CTNNA2: variants seen among roughly 807,000 people sequenced by gnomAD.
The protein encoded by CTNNA2 is catenin alpha-2.
In CTNNA2, 42 loss-of-function variants were observed where a neutral mutation model predicts 101.0. That is an observed-to-expected ratio of 0.42 (90% CI 0.32 to 0.54). The LOEUF (loss-of-function observed/expected upper bound fraction) is 0.54. Ranked by LOEUF, CTNNA2 falls within the 20% of genes least tolerant of loss-of-function variation. The probability of loss-of-function intolerance (pLI) is 0.14; values close to 1 mark genes in which losing one functional copy is unlikely to be tolerated. For synonymous variants in CTNNA2, 450 were observed against 456.4 expected, an observed-to-expected ratio of 0.99 and a Z score of 0.18; for missense variants, 871 against 1,223.1, an observed-to-expected ratio of 0.71 and a Z score of 4.29.
At chr2:79,568,044 T>C (rs2104184281) in intron 1 of CTNNA2, among the ~76,000 whole-genome samples, 1 of 152,242 alleles carries the variant, frequency 6.6e-6, no homozygotes, top group Middle Eastern at 3.4e-3. Context: ...CTTATTACAG[T>C]ATTTCACCAT....
At chr2:80,274,542 A>G (rs1275944041) in intron 7 of CTNNA2, among the ~76,000 whole-genome samples, 2 of 152,020 alleles carry the variant, frequency 1.3e-5, no homozygotes, top group Non-Finnish European at 2.9e-5. Context: ...CAATTCGAAG[A>G]CCCTTATAAC....
chr2:80,419,608 G>A lies in CTNNA2; in HGVS notation c.1290+7G>A, dbSNP rs759756554. 9 of 1,613,518 alleles carry A rather than the reference G, an allele frequency of 5.6e-6. No individual in the cohort carries two copies. In the East Asian group the frequency reaches 1.3e-4, roughly 24 times the overall value. ...TGCCAACAAACTGGTAGAGGTAAGT[G>A]TGGAGGGGCCTGAAGACTAGAGTTT... is the stretch of plus-strand genomic sequence containing the variant. On this transcript the variant is annotated splice_region_variant and intron_variant, in intron 9 of 18. Transcript: ENST00000402739.
intron 3 of CTNNA2, among the ~76,000 whole-genome samples, chr2:79,338,863 T>G (rs963007494): frequency 3.9e-5 from 6 of 152,062 alleles, no homozygotes; most frequent in African/African-American, 1.4e-4. Flanking sequence ...GAAAGATGAT[T>G]CCATAATCTC....
At chr2:79,225,632 C>G (rs901853545) in intron 2 of CTNNA2, among the ~76,000 whole-genome samples, 2 of 152,066 alleles carry the variant, frequency 1.3e-5, no homozygotes, top group African/African-American at 4.8e-5. Flanking sequence ...TTGATCATTA[C>G]CAAAAGTCAA....
chr2:80,136,249 T>C (rs956330707), intron 7 of CTNNA2, among the ~76,000 whole-genome samples: 1 of 152,198 alleles, frequency 6.6e-6, no homozygotes, highest in African/African-American at 2.4e-5. Flanking sequence ...TGTATCATTG[T>C]CCAGGATCTG....
At chr2:80,290,390 T>A (rs578146125) in intron 7 of CTNNA2, among the ~76,000 whole-genome samples, 81 of 152,166 alleles carry the variant, frequency 5.3e-4, no homozygotes, top group Non-Finnish European at 9.6e-4. Context: ...CCTTCTCATT[T>A]CTTCCCCAGT....
chr2:80,110,038 A>G (rs10172593), intron 7 of CTNNA2, among the ~76,000 whole-genome samples: 1,796 of 152,268 alleles, frequency 0.012, 31 homozygotes, highest in African/African-American at 0.041. Flanking sequence ...CAGTGTTGTC[A>G]CTGAAAATTT....
rs146927160 is a variant in CTNNA2 at position 80,144,096 on chromosome 2, G to A, written c.1056+234299G>A. On this transcript the variant is annotated intron_variant, in intron 7 of 18. Coordinates refer to ENST00000402739, the MANE Select transcript of CTNNA2 (RefSeq NM_001282597.3). The stretch of plus-strand genomic sequence containing the variant: ...GTTAGGTTTTTGTCACTTTTGCCCC[G>A]TGCAATCTTTTAGCTCTAACACAAG... Among the ~76,000 whole-genome samples, 322 of 152,154 alleles carry A rather than the reference G, an allele frequency of 2.1e-3. 1 individual carries two copies. Among genetic ancestry groups the A allele is most frequent in the African/African-American group, 6.7e-3 (279 of 41,512 alleles).
At chr2:80,118,459 A>G (rs1701648466) in intron 7 of CTNNA2, among the ~76,000 whole-genome samples, 1 of 152,140 alleles carries the variant, frequency 6.6e-6, no homozygotes, top group Admixed American at 6.6e-5. Flanking sequence ...TGCTTCCTTA[A>G]CTTCCATGAA....
chr2:80,614,583 T>A (rs1698702123), intron 17 of CTNNA2, among the ~76,000 whole-genome samples: 1 of 151,408 alleles, frequency 6.6e-6, no homozygotes, highest in African/African-American at 2.4e-5. Context: ...ATTTAAGAAG[T>A]ATTATTTTAT....
intron 4 of CTNNA2, among the ~76,000 whole-genome samples, chr2:79,423,453 A>C (rs899503271): frequency 6.6e-6 from 1 of 152,242 alleles, no homozygotes; most frequent in African/African-American, 2.4e-5. Context: ...TGTTGTTTTA[A>C]GCCATTAAGT....
At chr2:80,607,056 A>G (rs1269470435) in intron 16 of CTNNA2, among the ~76,000 whole-genome samples, 1 of 151,910 alleles carries the variant, frequency 6.6e-6, no homozygotes, top group African/African-American at 2.4e-5. Flanking sequence ...TATAAAAAAT[A>G]TCCCTTTATC....
chr2:79,926,915 T>C (rs1407662835), intron 7 of CTNNA2, among the ~76,000 whole-genome samples: 1 of 152,018 alleles, frequency 6.6e-6, no homozygotes, highest in Non-Finnish European at 1.5e-5. Flanking sequence ...TAGGTAGATA[T>C]GAGTTAGGTT....
rs547401085 is a variant in CTNNA2, at chr2:79,754,434, A to G, written c.298+9852A>G. ...TGAACTCCTAGGCTGAGAGCTGGTC[A>G]GAGACTACTTCCCTGACCAGGAAGC... On this transcript the variant is annotated intron_variant, in intron 3 of 18. Coordinates refer to ENST00000402739, the MANE Select transcript of CTNNA2 (RefSeq NM_001282597.3). Among the ~76,000 whole-genome samples, 7 of 152,260 alleles carry G rather than the reference A, an allele frequency of 4.6e-5. No homozygotes were observed. The South Asian group carries it at 1.4e-3, about 32-fold the overall frequency.
At chr2:79,826,420 C>T (rs78951998) in intron 3 of CTNNA2, among the ~76,000 whole-genome samples, 2,249 of 152,312 alleles carry the variant, frequency 0.015, 42 homozygotes, top group East Asian at 0.04. Flanking sequence ...TAACTTAGCT[C>T]TCCCTATAGT....
chr2:80,024,127 A>T (rs563510674), intron 7 of CTNNA2, among the ~76,000 whole-genome samples: 2 of 152,016 alleles, frequency 1.3e-5, no homozygotes, highest in Admixed American at 1.3e-4. Flanking sequence ...AGGTTTGATG[A>T]AATATATTTT....
intron 2 of CTNNA2, among the ~76,000 whole-genome samples, chr2:79,703,837 A>G (rs991285778): frequency 2.6e-5 from 4 of 152,166 alleles, no homozygotes; most frequent in Non-Finnish European, 4.4e-5. Flanking sequence ...ATATTACAGT[A>G]TTTTGTATCA....
chr2:79,393,194 T>C (rs1678193544), intron 4 of CTNNA2, among the ~76,000 whole-genome samples: 1 of 152,180 alleles, frequency 6.6e-6, no homozygotes, highest in African/African-American at 2.4e-5. Context: ...TCCTTACTCA[T>C]GTGCATCAAA....
At chr2:79,323,185 A>C (rs980864917) in intron 3 of CTNNA2, among the ~76,000 whole-genome samples, 1 of 152,246 alleles carries the variant, frequency 6.6e-6, no homozygotes, top group Non-Finnish European at 1.5e-5. Flanking sequence ...GCCACTCCCT[A>C]GTGGTAGAGT....
Sources: gnomAD v4.1 joint callset for allele counts (sites outside exome capture counted in the v4.1 genomes callset) on GRCh38, gnomAD v4.1.1 for gene constraint, MANE v1.5 for transcripts, NCBI Gene and HGNC (gene_info 2026-07-23, HGNC 2026-07-21) for gene names.